SGCZ: variants seen among roughly 807,000 people sequenced by gnomAD.
SGCZ encodes the protein sarcoglycan zeta, also known as zeta-sarcoglycan.
A neutral mutation model predicts 41.3 loss-of-function variants in SGCZ; 40 were observed. The ratio of observed to expected loss-of-function variants is 0.97; its 90% CI spans 0.75 to 1.26. The LOEUF (loss-of-function observed/expected upper bound fraction) is 1.26. Ranked by LOEUF, SGCZ falls within the 50% of genes most tolerant of loss-of-function variation. The probability of loss-of-function intolerance (pLI) is 0.00; values close to 1 mark genes in which losing one functional copy is unlikely to be tolerated. For missense variants in SGCZ, 552 were observed against 369.8 expected, an observed-to-expected ratio of 1.49 and a Z score of -4.04; for synonymous variants, 206 against 137.5, an observed-to-expected ratio of 1.50 and a Z score of -3.49.
chr8:14,636,736 T>G (rs150952495), intron 1 of SGCZ, among the ~76,000 whole-genome samples: 4 of 151,942 alleles, frequency 2.6e-5, no homozygotes, highest in African/African-American at 9.6e-5. Context: ...GGGAAGTAAC[T>G]TAAACCTTAT....
chr8:14,392,071 T>C (rs1804797299), intron 2 of SGCZ, among the ~76,000 whole-genome samples: 1 of 152,104 alleles, frequency 6.6e-6, no homozygotes. Flanking sequence ...CAAGGGGAGA[T>C]GGAGAAAGCT....
intron 1 of SGCZ, among the ~76,000 whole-genome samples, chr8:14,682,418 A>G (rs1470618042): frequency 6.7e-6 from 1 of 148,282 alleles, no homozygotes; most frequent in Non-Finnish European, 1.5e-5. Flanking sequence ...ATACATATAT[A>G]ATGCACCCTG....
At chr8:15,013,742 G>C (rs553334483) in intron 1 of SGCZ, among the ~76,000 whole-genome samples, 3 of 152,044 alleles carry the variant, frequency 2.0e-5, no homozygotes, top group Non-Finnish European at 4.4e-5. Context: ...TTATGTAAAA[G>C]GCATCTGTTA....
At chr8:14,457,669 G>C (rs901660792) in intron 2 of SGCZ, among the ~76,000 whole-genome samples, 1 of 152,278 alleles carries the variant, frequency 6.6e-6, no homozygotes, top group Admixed American at 6.5e-5. Flanking sequence ...TCCCTGATAT[G>C]CAGAAATAAT....
intron 1 of SGCZ, among the ~76,000 whole-genome samples, chr8:15,179,167 T>C (rs1800086867): frequency 6.6e-6 from 1 of 152,110 alleles, no homozygotes; most frequent in Non-Finnish European, 1.5e-5. Context: ...AAATAATAAT[T>C]AACCTGTTTA....
chr8:15,194,088 G>C (rs13258513), intron 1 of SGCZ, among the ~76,000 whole-genome samples: 53,206 of 151,582 alleles, frequency 0.35, 12,170 homozygotes, highest in Non-Finnish European at 0.48. Flanking sequence ...AAAACATAGA[G>C]TTATTTATCT....
chr8:14,957,440 G>A (rs1800826304), intron 1 of SGCZ, among the ~76,000 whole-genome samples: 1 of 151,700 alleles, frequency 6.6e-6, no homozygotes, highest in Admixed American at 6.6e-5. Flanking sequence ...CTTTCCATTC[G>A]TTGTCACTTG....
At chr8:14,839,111 A>T (rs547960374) in intron 1 of SGCZ, among the ~76,000 whole-genome samples, 6 of 152,324 alleles carry the variant, frequency 3.9e-5, no homozygotes, top group African/African-American at 1.4e-4. Flanking sequence ...GAAGATCGAA[A>T]AGACTGATGT....
chr8:15,162,757 A>G (rs1220623629), intron 1 of SGCZ, among the ~76,000 whole-genome samples: 1 of 152,216 alleles, frequency 6.6e-6, no homozygotes, highest in African/African-American at 2.4e-5. Flanking sequence ...CCATTTAGTA[A>G]TTTATTAGAT....
chr8:15,128,196 G>A (rs1189394516), intron 1 of SGCZ, among the ~76,000 whole-genome samples: 1 of 152,124 alleles, frequency 6.6e-6, no homozygotes, highest in Non-Finnish European at 1.5e-5. Context: ...CCACTGGTGG[G>A]AAGAAGAGTT....
At chr8:15,180,431 T>C in intron 1 of SGCZ, among the ~76,000 whole-genome samples, 1 of 152,336 alleles carries the variant, frequency 6.6e-6, no homozygotes, top group Non-Finnish European at 1.5e-5. Flanking sequence ...CAGTAACATG[T>C]CCTAAAAGGA....
intron 2 of SGCZ, among the ~76,000 whole-genome samples, chr8:14,448,960 C>T (rs577652973): frequency 1.4e-4 from 22 of 152,304 alleles, no homozygotes; most frequent in African/African-American, 5.3e-4. Flanking sequence ...AGAATGACCA[C>T]TCAGTTTTTA....
At chr8:14,095,066 T>G (rs1447599257) in intron 7 of SGCZ, among the ~76,000 whole-genome samples, 1 of 152,192 alleles carries the variant, frequency 6.6e-6, no homozygotes, top group Non-Finnish European at 1.5e-5. Context: ...TTTCTCTCAT[T>G]CTGCAGGTTG....
Position 14,710,468 on chromosome 8 carries a change from T to C in SGCZ, c.40-155542A>G, listed in dbSNP as rs541321274. ...CAATTAAAACTTATATTTTCAGAAG[T>C]TCTTCAAGTGATTCTGAGAAACCGA... On this transcript the variant is annotated intron_variant, in intron 1 of 7. Coordinates refer to ENST00000382080, the MANE Select transcript of SGCZ (RefSeq NM_139167.4). 1.5e-3 allele frequency among the ~76,000 whole-genome samples: 227 copies of C among 152,028 alleles called. 1 individual carries two copies. Among genetic ancestry groups the C allele is most frequent in the African/African-American group, 5.2e-3 (214 of 41,512 alleles).
At chr8:14,783,194 G>A (rs915360207) in intron 1 of SGCZ, among the ~76,000 whole-genome samples, 24 of 152,186 alleles carry the variant, frequency 1.6e-4, no homozygotes, top group African/African-American at 5.8e-4. Flanking sequence ...AACACTTTGG[G>A]AGGCCGAGGT....
intron 5 of SGCZ, among the ~76,000 whole-genome samples, chr8:14,115,061 T>A (rs1215539798): frequency 6.6e-6 from 1 of 151,904 alleles, no homozygotes. Flanking sequence ...AATGAAAAAA[T>A]TACAGTGGAC....
chr8:15,047,610 G>A (rs1222916815), intron 1 of SGCZ, among the ~76,000 whole-genome samples: 1 of 151,946 alleles, frequency 6.6e-6, no homozygotes, highest in East Asian at 1.9e-4. Flanking sequence ...GGGATCTCAG[G>A]AGTGTTTATG....
At chr8:14,741,848 C>T (rs555189332) in intron 1 of SGCZ, among the ~76,000 whole-genome samples, 33 of 152,050 alleles carry the variant, frequency 2.2e-4, no homozygotes, top group African/African-American at 7.7e-4. Flanking sequence ...AGAAGTAGAA[C>T]AGTATCAATA....
chr8:14,226,139 A>G (rs560040698), intron 4 of SGCZ, among the ~76,000 whole-genome samples: 3 of 152,092 alleles, frequency 2.0e-5, no homozygotes, highest in Non-Finnish European at 2.9e-5. Flanking sequence ...CCTGAAGTGC[A>G]GTATTTCCTT....
Sources: allele counts gnomAD v4.1 joint callset (sites outside exome capture counted in the v4.1 genomes callset), GRCh38; gene constraint gnomAD v4.1.1; transcripts MANE v1.5; gene names NCBI Gene and HGNC (gene_info 2026-07-23, HGNC 2026-07-21).